Variants in E2F4 observed in about 807,000 individuals in gnomAD.
E2F4 encodes the protein transcription factor E2F4.
A neutral mutation model predicts 44.5 loss-of-function variants in E2F4; 16 were observed. The ratio of observed to expected loss-of-function variants is 0.36; its 90% confidence interval spans 0.24 to 0.55. The LOEUF is 0.55. Ranked by LOEUF, E2F4 falls within the 20% of genes least tolerant of loss-of-function variation. The probability of loss-of-function intolerance (pLI) is 0.87; values close to 1 mark genes in which losing one functional copy is unlikely to be tolerated. For missense variants in E2F4, 473 were observed against 522.1 expected (o/e 0.91, Z 0.92); for synonymous variants, 242 against 207.2 (o/e 1.17, Z -1.44).
chr16:67,192,702 C>T lies in E2F4; in HGVS notation c.136-59C>T, dbSNP rs533361806. 5.3e-4 allele frequency: 794 copies of T among 1,490,796 alleles called. 10 individuals carry two copies. In the South Asian group the frequency reaches 8.4e-3, roughly 16 times the overall value. The allele number at this position is 1,490,796 out of a possible 1,614,324, so 92.3% of individuals were successfully genotyped here. On this transcript the variant is annotated intron_variant, in intron 1 of 9. Coordinates refer to ENST00000379378, the MANE Select transcript of E2F4 (RefSeq NM_001950.4). Reference sequence around the variant, plus strand: ...ATTACTCCCTTCCCAGACCACGTCTCAGGGTGGCTGGGGGTACACCCCAGA... The same window carrying T: ...ATTACTCCCTTCCCAGACCACGTCTTAGGGTGGCTGGGGGTACACCCCAGA...
chr16:67,194,966 C>T lies in E2F4; in HGVS notation c.794C>T (p.Ala265Val), dbSNP rs778835702. ...SAEVQGMAGP[A>V]AEITVSGGPG... ...GAAGTCCAGGGAATGGCTGGCCCAG[C>T]AGCTGAGATCACAGGTGAGGCACCA... The change falls in exon 6 of 10, where the codon GCA (alanine) becomes GTA (valine). Residue 265 changes from alanine to valine, a missense_variant. Coordinates refer to ENST00000379378, the MANE Select transcript of E2F4 (RefSeq NM_001950.4). 1 of 1,613,430 alleles carries T rather than the reference C, an allele frequency of 6.2e-7. No individual in the cohort carries two copies. Among genetic ancestry groups the T allele is most frequent in the Non-Finnish European group, 8.5e-7 (1 of 1,179,450 alleles).
At chr16:67,197,544 G>A in intron 7 of E2F4, 55 bp from the exon 8 acceptor site, 3 of 1,594,294 alleles carry the variant, frequency 1.9e-6, no homozygotes, top group Non-Finnish European at 2.6e-6. Context: ...CCAGGGGGCT[G>A]TAGTGGGGCC....
At chr16:67,197,307 TCAGA>T (rs1279973673) in intron 7 of E2F4, among the ~76,000 whole-genome samples, 1 of 152,224 alleles carries the variant, frequency 6.6e-6, no homozygotes, top group African/African-American at 2.4e-5. Context: ...GTACCTTCTG[TCAGA>T]CAGGGGGTGC....
intron 3 of E2F4, 61 bp downstream of exon 3, chr16:67,193,231 CCT>C: frequency 6.5e-7 from 1 of 1,535,012 alleles, no homozygotes; most frequent in Non-Finnish European, 8.8e-7. Context: ...TTCAACTTGC[CCT>C]GAGTCCTGTT....
Position 67,194,520 on chromosome 16 carries a change from A to G in E2F4, c.513+61A>G, listed in dbSNP as rs569786532. On this transcript the variant is annotated intron_variant, in intron 5 of 9. Transcript: ENST00000379378. ...GGGCGGGTGCTGGCTGTGGAGCCTG[A>G]TAAGTCCTGGGTGGGGCAAGTAGGG... is the stretch of plus-strand genomic sequence containing the variant. 7.5e-6 allele frequency: 12 copies of G among 1,607,210 alleles called. No individual in the cohort carries two copies. In the East Asian group the frequency reaches 1.3e-4, roughly 18 times the overall value.
At chr16:67,197,689 C>G in intron 8 of E2F4, 43 bp downstream of exon 8, 1 of 1,610,134 alleles carries the variant, frequency 6.2e-7, no homozygotes, top group East Asian at 2.2e-5. Flanking sequence ...GTAAGGGACA[C>G]AGCTCATTGG....
At position 67,192,350 on chromosome 16, in the gene E2F4, T is replaced by C; in HGVS notation, c.123T>C (p.Leu41=). The change falls in exon 1 of 10, where the codon CTT becomes CTC. Residue 41 remains leucine, a synonymous_variant. Coordinates refer to ENST00000379378, the MANE Select transcript of E2F4 (RefSeq NM_001950.4). ...SLLQEAKDGV[L]DLKLAADTLA... ...TGCAGGAGGCCAAGGACGGCGTGCT[T>C]GACCTCAAGCTGGTGCGGCCTGGGC... 7.1e-7 allele frequency: 1 copy of C among 1,411,130 alleles called. No homozygotes were observed. Among genetic ancestry groups the C allele is most frequent in the South Asian group, 1.9e-5 (1 of 52,862 alleles). The allele number at this position is 1,411,130 out of a possible 1,614,324, so 87.4% of individuals were successfully genotyped here. A position where few individuals can be genotyped will look rare whatever the true frequency, so the allele number is the denominator to read the frequency against.
In E2F4 at chr16:67,197,884, C is replaced by G. The variant is rs1796286791; in HGVS notation, c.1099C>G (p.Leu367Val). 6.2e-7 allele frequency: 1 copy of G among 1,613,946 alleles called. No homozygotes were observed. The highest frequency in any genetic ancestry group is 8.5e-7 in the Non-Finnish European group (1 of 1,180,010). The change falls in exon 9 of 10, where the codon CTG becomes GTG. Residue 367 changes from leucine (L) to valine (V), a missense_variant. By Grantham distance (32) the Leu-to-Val change is conservative (BLOSUM62 1). Transcript: ENST00000379378. The stretch of plus-strand genomic sequence containing the variant: ...ATTCCCAGAGTGCATGAGCTCGGAG[C>G]TGCTGGAGGAGTTGATGTCCTCAGA... The part of the protein sequence containing the change: ...DPTRECMSSE[L>V]LEELMSSEVF...
chr16:67,196,469 G>A (rs1236999937), intron 7 of E2F4, among the ~76,000 whole-genome samples: 1 of 152,186 alleles, frequency 6.6e-6, no homozygotes, highest in African/African-American at 2.4e-5. Context: ...CTCTTGGTCT[G>A]TGTCAATATT....
intron 7 of E2F4, among the ~76,000 whole-genome samples, chr16:67,196,553 G>T (rs114750874): frequency 6.6e-6 from 1 of 152,056 alleles, no homozygotes; most frequent in Admixed American, 6.6e-5. Context: ...CTTCCCTGGC[G>T]TGTCCTTAAA....
intron 3 of E2F4, 81 bp from the exon 4 acceptor site, chr16:67,193,391 C>T (rs747849285): frequency 4.4e-6 from 7 of 1,573,632 alleles, no homozygotes; most frequent in Non-Finnish European, 6.1e-6. Context: ...GTGTGTCAGA[C>T]CTTAGCTAAA....
rs901030023 is a variant in E2F4 at position 67,198,518 on chromosome 16, T to G, written c.*395T>G. The G allele has an allele frequency of 9.4e-5, 22 of 233,026 alleles. No individual in the cohort carries two copies. The highest frequency in any genetic ancestry group is 1.7e-4 in the Non-Finnish European group (20 of 116,324). The allele number at this position is 233,026 out of a possible 1,614,324, so 14.4% of individuals were successfully genotyped here. On this transcript the variant is annotated 3_prime_UTR_variant, in exon 10 of 10. Transcript: ENST00000379378. ...CTTCCCCTAGGAGGGAAGGGTGGGG[T>G]GGAACTGGGCACATGCCAGCACCAC...
At chr16:67,196,045 A>G (rs779580429) in intron 7 of E2F4, 39 bp downstream of exon 7, 312 of 1,611,536 alleles carry the variant, frequency 1.9e-4, no homozygotes, top group Non-Finnish European at 2.6e-4. Context: ...GAGAGAGTCT[A>G]GCCTCAGTCC....
Position 67,192,214 on chromosome 16 carries a change from G to C in E2F4, c.-14G>C. ...TGGCCTGGCCTGGCTGAGGGGAGGC[G>C]GCGGGCGGGCGCGATGGCGGAGGCC... On this transcript the variant is annotated 5_prime_UTR_variant, in exon 1 of 10. Coordinates refer to ENST00000379378, the MANE Select transcript of E2F4 (RefSeq NM_001950.4). 1 of 1,246,350 alleles carries C rather than the reference G, an allele frequency of 8.0e-7. No individual in the cohort carries two copies. Among genetic ancestry groups the C allele is most frequent in the Non-Finnish European group, 1.0e-6 (1 of 995,182 alleles). The allele number at this position is 1,246,350 out of a possible 1,614,324, so 77.2% of individuals were successfully genotyped here. A position where few individuals can be genotyped will look rare whatever the true frequency, so the allele number is the denominator to read the frequency against.
Position 67,197,900 on chromosome 16 carries a change from T to C in E2F4, c.1115T>C (p.Met372Thr). The C allele has an allele frequency of 6.2e-7, 1 of 1,614,068 alleles. No individual in the cohort carries two copies. The highest frequency in any genetic ancestry group is 2.2e-5 in the East Asian group (1 of 44,878). The change falls in exon 9 of 10, where the codon ATG becomes ACG. Residue 372 changes from methionine to threonine, a missense_variant. Transcript: ENST00000379378. ...AGCTCGGAGCTGCTGGAGGAGTTGA[T>C]GTCCTCAGAAGGTGGGTGGCCCTGG... Reference protein sequence around the residue: ...CMSSELLEELMSSEVFAPLLR... With the variant: ...CMSSELLEELTSSEVFAPLLR...
chr16:67,195,598 T>G (rs867242875), intron 6 of E2F4, 184 bp from the exon 7 acceptor site: 3 of 1,285,710 alleles, frequency 2.3e-6, no homozygotes, highest in Non-Finnish European at 3.2e-6. Flanking sequence ...CTGTAGGTCT[T>G]GTGTCCCTGT....
intron 6 of E2F4, 40 bp from the exon 7 acceptor site, chr16:67,195,742 C>T: frequency 6.2e-7 from 1 of 1,612,774 alleles, no homozygotes; most frequent in East Asian, 2.2e-5. Flanking sequence ...ACGACCTCTT[C>T]CTGACCTTGT....
At position 67,192,408 on chromosome 16, in the gene E2F4, C is replaced by T. The variant is rs765749645; in HGVS notation, c.135+46C>T. The T allele has an allele frequency of 1.3e-5, 18 of 1,418,170 alleles. No homozygotes were observed. In the East Asian group the frequency reaches 3.9e-4, roughly 31 times the overall value. 87.8% of individuals were successfully genotyped at this position (1,418,170 alleles called of 1,614,324 possible). Reference sequence around the variant, plus strand: ...AGACAAGGGAGGCTGGTGGACCAGGCCTGGGCCGGTAGCGGGAACCCCGGG... The same window carrying T: ...AGACAAGGGAGGCTGGTGGACCAGGTCTGGGCCGGTAGCGGGAACCCCGGG... On this transcript the variant is annotated intron_variant, in intron 1 of 9. Transcript: ENST00000379378.
intron 7 of E2F4, 117 bp downstream of exon 7, chr16:67,196,123 AG>A: frequency 6.8e-7 from 1 of 1,469,464 alleles, no homozygotes; most frequent in Non-Finnish European, 9.4e-7. Context: ...TGGACACGAG[AG>A]CTCTCTGCCA....
Sources: allele counts gnomAD v4.1 joint callset (sites outside exome capture counted in the v4.1 genomes callset), GRCh38; gene constraint gnomAD v4.1.1; transcripts MANE v1.5; gene names NCBI Gene and HGNC (gene_info 2026-07-23, HGNC 2026-07-21).